ZFPM1: variants seen among roughly 807,000 people sequenced by gnomAD.
ZFPM1 encodes the protein zinc finger protein, FOG family member 1.
A neutral mutation model predicts 46.3 loss-of-function variants in ZFPM1; 28 were observed. The observed-to-expected ratio is 0.60, with a 90% CI of 0.45 to 0.83. The LOEUF (loss-of-function observed/expected upper bound fraction) is 0.83, where lower values mean the gene tolerates loss of function less well. Ranked by LOEUF, ZFPM1 falls within the 40% of genes least tolerant of loss-of-function variation. The probability of loss-of-function intolerance (pLI) is 0.00; values close to 1 mark genes in which losing one functional copy is unlikely to be tolerated. For missense variants in ZFPM1, 1,878 were observed against 1,432.4 expected, an observed-to-expected ratio of 1.31 and a Z score of -5.02; for synonymous variants, 957 against 675.9, an observed-to-expected ratio of 1.42 and a Z score of -6.45.
rs1909603858 is a variant in ZFPM1 at position 88,491,939 on chromosome 16, T to TA, written c.268+2786_268+2787insA. On this transcript the variant is annotated intron_variant, in intron 3 of 9. Transcript: ENST00000319555. Reference sequence around the variant, plus strand: ...GTGCGTCGATGGCCAGCAGGGTCAGTGGCCCCAAGGGCAGTGCCCAGCCAG... The same window carrying TA: ...GTGCGTCGATGGCCAGCAGGGTCAGTAGGCCCCAAGGGCAGTGCCCAGCCAG... 2.0e-5 allele frequency among the ~76,000 whole-genome samples: 3 copies of TA among 152,240 alleles called. No homozygotes were observed. The South Asian group carries it at 6.2e-4, about 32-fold the overall frequency.
At chr16:88,529,514 C>G (rs1417912842) in intron 6 of ZFPM1, among the ~76,000 whole-genome samples, 1 of 152,186 alleles carries the variant, frequency 6.6e-6, no homozygotes, top group Non-Finnish European at 1.5e-5. Flanking sequence ...TTTGAGTGTC[C>G]TGACATCAAG....
At position 88,474,067 on chromosome 16, in the gene ZFPM1, A is replaced by G. The variant is rs1051752256; in HGVS notation, c.41-11872A>G. On this transcript the variant is annotated intron_variant, in intron 1 of 9. Coordinates refer to ENST00000319555, the MANE Select transcript of ZFPM1 (RefSeq NM_153813.3). ...AAGTTTCCGAGTTCAGCGGTGATGA[A>G]TGTTGAGTAAGCGCAGGCCGCACCG... 2.0e-5 allele frequency among the ~76,000 whole-genome samples: 3 copies of G among 152,226 alleles called. No homozygotes were observed. In the East Asian group the frequency reaches 5.8e-4, roughly 29 times the overall value.
intron 1 of ZFPM1, 119 bp from the exon 2 acceptor site, chr16:88,485,820 C>T (rs1653744075): frequency 1.2e-6 from 1 of 863,280 alleles, no homozygotes; most frequent in Non-Finnish European, 1.8e-6. Context: ...ATGACCCTCA[C>T]CCCCACCCAT....
intron 1 of ZFPM1, among the ~76,000 whole-genome samples, chr16:88,479,230 A>G (rs1425007968): frequency 6.6e-6 from 1 of 152,120 alleles, no homozygotes; most frequent in African/African-American, 2.4e-5. Flanking sequence ...TGGTGTCGCC[A>G]GCAGACCCCA....
In ZFPM1 at chr16:88,533,443, C is replaced by T; in HGVS notation, c.1485C>T (p.Pro495=). 13 of 1,447,782 alleles carry T rather than the reference C, an allele frequency of 9.0e-6. No homozygotes were observed. The highest frequency in any genetic ancestry group is 1.2e-5 in the Non-Finnish European group (13 of 1,109,762). 89.7% of individuals were successfully genotyped at this position (1,447,782 alleles called of 1,614,324 possible). A position where few individuals can be genotyped will look rare whatever the true frequency, so the allele number is the denominator to read the frequency against. ...APSRTPSPRS[P]APARVKAELS... ...CGCGGACGCCGTCGCCGCGCAGCCC[C>T]GCCCCGGCCAGGGTCAAGGCCGAGC... The change falls in exon 10 of 10, where the codon CCC becomes CCT. Residue 495 remains proline (P), a synonymous_variant. Coordinates refer to ENST00000319555, the MANE Select transcript of ZFPM1 (RefSeq NM_153813.3).
intron 4 of ZFPM1, 112 bp from the exon 5 acceptor site, chr16:88,526,702 C>T: frequency 8.4e-7 from 1 of 1,196,914 alleles, no homozygotes; most frequent in South Asian, 1.5e-5. Flanking sequence ...GCTTGGCCTA[C>T]CAGCCAAGCC....
At chr16:88,526,227 CCTGTGGCAGGGAGGGGAGCCATGCT>C (rs1912307652) in intron 4 of ZFPM1, among the ~76,000 whole-genome samples, 1 of 152,198 alleles carries the variant, frequency 6.6e-6, no homozygotes, top group Non-Finnish European at 1.5e-5. Flanking sequence ...CCTGCCACGC[CCTGTGGCAGGGAGGGGAGCCATGCT>C]GTCAGGAGGA....
chr16:88,475,953 C>T (rs1217268720), intron 1 of ZFPM1, among the ~76,000 whole-genome samples: 2 of 152,122 alleles, frequency 1.3e-5, no homozygotes, highest in African/African-American at 4.8e-5. Context: ...GTCCACCCCT[C>T]GGTTACTGGG....
At chr16:88,502,351 C>T (rs893812745) in intron 3 of ZFPM1, among the ~76,000 whole-genome samples, 3 of 152,060 alleles carry the variant, frequency 2.0e-5, no homozygotes, top group African/African-American at 4.8e-5. Context: ...CGCCCTCTCC[C>T]GCCCTGCCCA....
intron 4 of ZFPM1, among the ~76,000 whole-genome samples, chr16:88,522,287 C>G (rs964503764): frequency 6.6e-6 from 1 of 152,238 alleles, no homozygotes; most frequent in African/African-American, 2.4e-5. Context: ...GAGGGACCAG[C>G]TGGTGCCTCT....
intron 4 of ZFPM1, among the ~76,000 whole-genome samples, chr16:88,521,446 A>T (rs1272006680): frequency 6.6e-6 from 1 of 151,748 alleles, no homozygotes; most frequent in African/African-American, 2.4e-5. Context: ...CAGGTGAGAA[A>T]GCCTCAGGCC....
At chr16:88,519,424 G>A (rs899582224) in intron 4 of ZFPM1, among the ~76,000 whole-genome samples, 3 of 151,168 alleles carry the variant, frequency 2.0e-5, no homozygotes, top group Middle Eastern at 3.2e-3. Context: ...TGGATAGATG[G>A]ATGGATGGAT....
intron 4 of ZFPM1, among the ~76,000 whole-genome samples, chr16:88,525,083 C>T (rs574008557): frequency 1.2e-4 from 18 of 152,378 alleles, no homozygotes; most frequent in African/African-American, 3.8e-4. Flanking sequence ...CGTCCCAGCC[C>T]AAAGGCTGTA....
chr16:88,504,029 G>A (rs1224995539), intron 3 of ZFPM1, among the ~76,000 whole-genome samples: 2 of 152,090 alleles, frequency 1.3e-5, no homozygotes, highest in Admixed American at 6.5e-5. Context: ...CTCAGTGGGG[G>A]TGGGTGCCTG....
chr16:88,472,214 G>T (rs576746040), intron 1 of ZFPM1, among the ~76,000 whole-genome samples: 1 of 151,624 alleles, frequency 6.6e-6, no homozygotes, highest in Non-Finnish European at 1.5e-5. Context: ...GGCAGGGCAG[G>T]TGCCCACAGG....
At chr16:88,491,654 G>A (rs1465210437) in intron 3 of ZFPM1, among the ~76,000 whole-genome samples, 1 of 152,196 alleles carries the variant, frequency 6.6e-6, no homozygotes, top group Non-Finnish European at 1.5e-5. Flanking sequence ...CGCCGGGAAG[G>A]GCCGGGCCCC....
At chr16:88,528,347 C>T (rs919465081) in intron 6 of ZFPM1, 109 bp downstream of exon 6, 24 of 1,248,786 alleles carry the variant, frequency 1.9e-5, no homozygotes, top group African/African-American at 3.0e-5. Context: ...TGCAGGCTGC[C>T]GACAGAGTGA....
chr16:88,492,949 G>C (rs1158751098), intron 3 of ZFPM1, among the ~76,000 whole-genome samples: 3 of 152,106 alleles, frequency 2.0e-5, no homozygotes, highest in African/African-American at 7.2e-5. Context: ...GCAGAGACCT[G>C]TCCCAGGGTG....
At chr16:88,489,304 A>T (rs1909421970) in intron 3 of ZFPM1, 151 bp downstream of exon 3, 1 of 1,244,708 alleles carries the variant, frequency 8.0e-7, no homozygotes, top group African/African-American at 1.5e-5. Context: ...AGCTCAGCCA[A>T]CCCGTGCAGC....
Sources: gnomAD v4.1 joint callset for allele counts (sites outside exome capture counted in the v4.1 genomes callset) on GRCh38, gnomAD v4.1.1 for gene constraint, MANE v1.5 for transcripts, NCBI Gene and HGNC (gene_info 2026-07-23, HGNC 2026-07-21) for gene names.